RANBP3: variants seen among roughly 807,000 people sequenced by gnomAD.
RANBP3 encodes ran-binding protein 3.
RANBP3 carries 14 observed loss-of-function variants against 77.3 expected under a neutral mutation model. The ratio of observed to expected loss-of-function variants is 0.18; its 90% CI spans 0.12 to 0.28. The LOEUF (loss-of-function observed/expected upper bound fraction) is 0.28. Ranked by LOEUF, RANBP3 falls within the 10% of genes least tolerant of loss-of-function variation. The probability of loss-of-function intolerance (pLI) is 1.00; values close to 1 mark genes in which losing one functional copy is unlikely to be tolerated. For missense variants in RANBP3, 586 were observed against 752.3 expected, an observed-to-expected ratio of 0.78 and a Z score of 2.59; for synonymous variants, 315 against 312.4, an observed-to-expected ratio of 1.01 and a Z score of -0.09.
chr19:5,923,772 C>T, intron 12 of RANBP3, 40 bp downstream of exon 12: 1 of 1,520,644 alleles, frequency 6.6e-7, no homozygotes, highest in East Asian at 2.3e-5. Context: ...CCCAAGATGA[C>T]CTACCATGAG....
Position 5,951,388 on chromosome 19 carries a change from CT to C in RANBP3, c.282+4del, listed in dbSNP as rs1460166703. The C allele has an allele frequency of 6.4e-7, 1 of 1,551,546 alleles. No individual in the cohort carries two copies. The highest frequency in any genetic ancestry group is 1.4e-5 in the African/African-American group (1 of 73,210). ...GGTAGGAGTGCCGGGTAGGTGTGGACTTACCCCTGCCAGTTCTCGCGGAAAA... is the reference window on the plus strand; with the variant it reads ...GGTAGGAGTGCCGGGTAGGTGTGGACTACCCCTGCCAGTTCTCGCGGAAAA... On this transcript the variant is annotated splice_donor_region_variant and intron_variant, in intron 3 of 16. Coordinates refer to ENST00000340578, the MANE Select transcript of RANBP3 (RefSeq NM_007322.3).
intron 1 of RANBP3, among the ~76,000 whole-genome samples, chr19:5,960,832 C>T (rs1484655935): frequency 6.6e-6 from 1 of 152,226 alleles, no homozygotes; most frequent in Admixed American, 6.5e-5. Context: ...GGACACACGG[C>T]AGGGCTGAGG....
intron 1 of RANBP3, among the ~76,000 whole-genome samples, chr19:5,967,995 C>T (rs481912): frequency 0.11 from 16,269 of 151,704 alleles, 1,141 homozygotes; most frequent in African/African-American, 0.2. Context: ...CCAGCCTGGG[C>T]GACAGAGTGA....
rs2057814471 is a variant in RANBP3, at chr19:5,921,176, A to G, written c.1330+25T>C. On this transcript the variant is annotated intron_variant, in intron 14 of 16. Transcript: ENST00000340578. This position sits in a 1 kb window ranked among gnomAD's most constrained non-coding sequence, Gnocchi z 5.3. ...CAGCCCTCCCCATGGGGACCCGGCCACAGCCCCCGCCGTCGGCAGCTCACC... is the reference window on the plus strand; with the variant it reads ...CAGCCCTCCCCATGGGGACCCGGCCGCAGCCCCCGCCGTCGGCAGCTCACC... 6.2e-7 allele frequency: 1 copy of G among 1,600,862 alleles called. No homozygotes were observed. The highest frequency in any genetic ancestry group is 8.5e-7 in the Non-Finnish European group (1 of 1,174,940).
rs542059162 is a variant in RANBP3 at position 5,936,374 on chromosome 19, G to T, written c.407-2895C>A. ...GCAGGCAGGCAGGCAGAAAGTAAGAGATCATGTGGACAAAGGTGTGTCCCC... is the reference window on the plus strand; with the variant it reads ...GCAGGCAGGCAGGCAGAAAGTAAGATATCATGTGGACAAAGGTGTGTCCCC... On this transcript the variant is annotated intron_variant, in intron 5 of 16. Coordinates refer to ENST00000340578, the MANE Select transcript of RANBP3 (RefSeq NM_007322.3). Among the ~76,000 whole-genome samples, 6 of 152,306 alleles carry T rather than the reference G, an allele frequency of 3.9e-5. No individual in the cohort carries two copies. In the East Asian group the frequency reaches 1.2e-3, roughly 29 times the overall value.
intron 3 of RANBP3, among the ~76,000 whole-genome samples, chr19:5,945,263 C>T (rs1420654915): frequency 1.3e-5 from 2 of 152,262 alleles, no homozygotes; most frequent in African/African-American, 2.4e-5. Context: ...CGAGCTCCCT[C>T]GTGTCTCCTC....
chr19:5,978,038 G>A lies in RANBP3; in HGVS notation c.22+23C>T, dbSNP rs2058619195. ...CCGCCCGTTCCCCGGCCGCCAGCCG[G>A]TCCCCAACGGCGCCTCCCCTACCTT... On this transcript the variant is annotated intron_variant, in intron 1 of 16. Coordinates refer to ENST00000340578, the MANE Select transcript of RANBP3 (RefSeq NM_007322.3). 3.1e-6 allele frequency: 5 copies of A among 1,609,284 alleles called. No homozygotes were observed. In the African/African-American group the frequency reaches 4.0e-5, roughly 13 times the overall value.
chr19:5,923,059 G>C, intron 13 of RANBP3, 135 bp downstream of exon 13: 2 of 682,004 alleles, frequency 2.9e-6, no homozygotes, highest in Non-Finnish European at 5.1e-6. Context: ...CAAAGTCCCA[G>C]AGCGTGGGGC....
chr19:5,936,468 G>T (rs2058066096), intron 5 of RANBP3, among the ~76,000 whole-genome samples: 1 of 152,178 alleles, frequency 6.6e-6, no homozygotes, highest in Non-Finnish European at 1.5e-5. Context: ...GTGGACAAAG[G>T]TGTGTCCCCA....
chr19:5,921,414 C>G lies in RANBP3; in HGVS notation c.1210-93G>C. The stretch of plus-strand genomic sequence containing the variant: ...GTCGCCCTTTAGCCTGTGGGGACTG[C>G]CAGGGCCAGCCAACGACGGCCTGGG... On this transcript the variant is annotated intron_variant, in intron 13 of 16. Coordinates refer to ENST00000340578, the MANE Select transcript of RANBP3 (RefSeq NM_007322.3). The surrounding 1 kb of genome is among the most constrained non-coding windows in gnomAD (Gnocchi z 5.3). The G allele has an allele frequency of 6.6e-7, 1 of 1,516,680 alleles. No individual in the cohort carries two copies. Among genetic ancestry groups the G allele is most frequent in the Non-Finnish European group, 8.9e-7 (1 of 1,124,860 alleles). The allele number at this position is 1,516,680 out of a possible 1,614,324, so 94.0% of individuals were successfully genotyped here. A position where few individuals can be genotyped will look rare whatever the true frequency, so the allele number is the denominator to read the frequency against.
chr19:5,921,450 G>T lies in RANBP3; in HGVS notation c.1210-129C>A. On this transcript the variant is annotated intron_variant, in intron 13 of 16. Transcript: ENST00000340578. This position sits in a 1 kb window ranked among gnomAD's most constrained non-coding sequence, Gnocchi z 5.3. Reference sequence around the variant, plus strand: ...CAACGACGGCCTGGGGGCCACCTTGGTCAGTTTTTTGTCCTGCCCTCAAGC... The same window carrying T: ...CAACGACGGCCTGGGGGCCACCTTGTTCAGTTTTTTGTCCTGCCCTCAAGC... 7.9e-7 allele frequency: 1 copy of T among 1,267,466 alleles called. No individual in the cohort carries two copies. Among genetic ancestry groups the T allele is most frequent in the Non-Finnish European group, 1.1e-6 (1 of 922,576 alleles). The allele number at this position is 1,267,466 out of a possible 1,614,324, so 78.5% of individuals were successfully genotyped here.
At chr19:5,962,403 T>C (rs929248943) in intron 1 of RANBP3, among the ~76,000 whole-genome samples, 1 of 151,932 alleles carries the variant, frequency 6.6e-6, no homozygotes, top group Non-Finnish European at 1.5e-5. Context: ...TAGATGTAAG[T>C]TCTAGAAAGT....
rs1453046587 is a variant in RANBP3, at chr19:5,917,394, C to T, written c.*216G>A. 5.6e-6 allele frequency: 3 copies of T among 535,932 alleles called. No homozygotes were observed. Among genetic ancestry groups the T allele is most frequent in the East Asian group, 6.1e-5 (2 of 32,542 alleles). The allele number at this position is 535,932 out of a possible 1,614,324, so 33.2% of individuals were successfully genotyped here. On this transcript the variant is annotated 3_prime_UTR_variant, in exon 17 of 17. Transcript: ENST00000340578. ...GAGGGAGGAAATGTTCTTGTTTGTT[C>T]GCTCATCAATATGATGAGGTCTCGT...
rs147611655 is a variant in RANBP3, at chr19:5,925,773, G to T, written c.814-36C>A. 3.8e-4 allele frequency: 588 copies of T among 1,554,634 alleles called. 2 individuals are homozygous for T. The East Asian group carries it at 0.01, about 27-fold the overall frequency. On this transcript the variant is annotated intron_variant, in intron 9 of 16. Coordinates refer to ENST00000340578, the MANE Select transcript of RANBP3 (RefSeq NM_007322.3). ...GACGGAGCGCTCAGTAATCGGGGGT[G>T]GGGGGGTGCCTGGAGTTCCACAGCT...
intron 14 of RANBP3, among the ~76,000 whole-genome samples, chr19:5,920,648 C>T (rs561134162): frequency 2.6e-5 from 4 of 152,206 alleles, no homozygotes; most frequent in Admixed American, 1.3e-4. Flanking sequence ...CCCAAGTTCA[C>T]GCAATTCTCC....
intron 13 of RANBP3, among the ~76,000 whole-genome samples, chr19:5,922,847 C>G (rs936807529): frequency 6.6e-6 from 1 of 152,152 alleles, no homozygotes; most frequent in Non-Finnish European, 1.5e-5. Context: ...GACTGAGGCA[C>G]AAGAATCCCT....
intron 3 of RANBP3, among the ~76,000 whole-genome samples, chr19:5,946,410 C>A (rs550775525): frequency 7.0e-4 from 106 of 152,302 alleles, no homozygotes; most frequent in African/African-American, 2.4e-3. Flanking sequence ...TCTCAGGAGA[C>A]CCTCAAATCC....
intron 8 of RANBP3, among the ~76,000 whole-genome samples, chr19:5,930,354 A>G (rs2145076925): frequency 6.6e-6 from 1 of 152,358 alleles, no homozygotes; most frequent in Middle Eastern, 3.4e-3. Flanking sequence ...TGGAGGGTAT[A>G]AAACTGCAGG....
intron 1 of RANBP3, among the ~76,000 whole-genome samples, chr19:5,961,164 C>T (rs1046743413): frequency 2.0e-5 from 3 of 152,218 alleles, no homozygotes; most frequent in Non-Finnish European, 4.4e-5. Context: ...GCAGTGTTGG[C>T]CGGGCGCGGT....
Sources: gnomAD v4.1 joint callset for allele counts (sites outside exome capture counted in the v4.1 genomes callset) on GRCh38, gnomAD v4.1.1 for gene constraint, Gnocchi (gnomAD v3.1) non-coding constraint, MANE v1.5 for transcripts, NCBI Gene and HGNC (gene_info 2026-07-23, HGNC 2026-07-21) for gene names.